Variants in EFL1 observed in about 807,000 individuals in gnomAD.
The protein encoded by EFL1 is elongation factor like GTPase 1, also known as elongation factor-like GTPase 1.
A neutral mutation model predicts 126.7 loss-of-function variants in EFL1; 76 were observed. The observed-to-expected ratio is 0.60, with a 90% CI of 0.50 to 0.73. The LOEUF (loss-of-function observed/expected upper bound fraction) is 0.73, where lower values mean the gene tolerates loss of function less well. EFL1 is among the 30% of genes least tolerant of loss of function. The pLI is 0.00. For missense variants in EFL1, 1,128 were observed against 1,343.2 expected (o/e 0.84, Z 2.50); for synonymous variants, 410 against 448.4 (o/e 0.91, Z 1.08).
At chr15:82,135,503 A>G (rs536779306) in intron 19 of EFL1, among the ~76,000 whole-genome samples, 9 of 152,334 alleles carry the variant, frequency 5.9e-5, no homozygotes, top group African/African-American at 2.2e-4. Context: ...CTTTTCCTAT[A>G]AAGAGCCAGA....
chr15:82,171,750 C>T (rs979662152), intron 15 of EFL1, among the ~76,000 whole-genome samples: 6 of 152,100 alleles, frequency 3.9e-5, no homozygotes, highest in Non-Finnish European at 8.8e-5. Context: ...AAAAAACTAC[C>T]TATCAGGTAC....
chr15:82,174,662 G>A (rs2074175229), intron 15 of EFL1, among the ~76,000 whole-genome samples: 1 of 152,150 alleles, frequency 6.6e-6, no homozygotes, highest in Non-Finnish European at 1.5e-5. Context: ...AATGTTTCTT[G>A]AGGTTAACCA....
chr15:82,182,707 C>T lies in EFL1; in HGVS notation c.1751-18723G>A, dbSNP rs193179403. 2.1e-3 allele frequency among the ~76,000 whole-genome samples: 312 copies of T among 151,976 alleles called. 1 individual carries two copies. The highest frequency in any genetic ancestry group is 7.2e-3 in the African/African-American group (297 of 41,472). On this transcript the variant is annotated intron_variant, in intron 15 of 19. Coordinates refer to ENST00000268206, the MANE Select transcript of EFL1 (RefSeq NM_024580.6). The stretch of plus-strand genomic sequence containing the variant: ...GGGCGTGGTGGTGGGCGCCTGTAGT[C>T]CCAGCTACTCGGGAGTCTGAGGCAG...
intron 3 of EFL1, among the ~76,000 whole-genome samples, chr15:82,253,708 AAG>A (rs1263003084): frequency 1.3e-5 from 2 of 152,202 alleles, no homozygotes; most frequent in African/African-American, 4.8e-5. Flanking sequence ...TTTTTAAAAA[AAG>A]AATACAGTAG....
At chr15:82,171,382 G>GA (rs1447893757) in intron 15 of EFL1, among the ~76,000 whole-genome samples, 2 of 152,104 alleles carry the variant, frequency 1.3e-5, no homozygotes, top group Non-Finnish European at 2.9e-5. Context: ...AGATCAATGG[G>GA]AAAAAATGAA....
intron 11 of EFL1, among the ~76,000 whole-genome samples, chr15:82,226,204 C>T (rs534963321): frequency 9.2e-5 from 14 of 152,076 alleles, no homozygotes; most frequent in Admixed American, 5.9e-4. Context: ...AGTCTTGTTC[C>T]GTCGCCCAGG....
At chr15:82,251,575 A>G (rs1291617781) in intron 4 of EFL1, among the ~76,000 whole-genome samples, 1 of 152,230 alleles carries the variant, frequency 6.6e-6, no homozygotes, top group African/African-American at 2.4e-5. Context: ...TAAGAAATCA[A>G]TAGACCCTTA....
At position 82,232,914 on chromosome 15, in the gene EFL1, T is replaced by A. The variant is rs1469315548; in HGVS notation, c.732-1943A>T. Among the ~76,000 whole-genome samples the A allele has an allele frequency of 3.3e-5, 5 of 152,260 alleles. No homozygotes were observed. In the East Asian group the frequency reaches 7.7e-4, roughly 23 times the overall value. ...TTTCTATTCTTCCAGGATTTTTTTT[T>A]AAATGTTGATTTGTGTTACCCAGAC... is the stretch of plus-strand genomic sequence containing the variant. On this transcript the variant is annotated intron_variant, in intron 7 of 19. Coordinates refer to ENST00000268206, the MANE Select transcript of EFL1 (RefSeq NM_024580.6).
chr15:82,203,503 T>C (rs1348524591), intron 15 of EFL1, among the ~76,000 whole-genome samples: 1 of 151,850 alleles, frequency 6.6e-6, no homozygotes, highest in East Asian at 1.9e-4. Flanking sequence ...GCCTCCGGAG[T>C]AGGTGGGATT....
chr15:82,218,902 A>G (rs2074679102), intron 14 of EFL1, among the ~76,000 whole-genome samples: 1 of 152,070 alleles, frequency 6.6e-6, no homozygotes, highest in African/African-American at 2.4e-5. Context: ...CAAGTACCAC[A>G]GCTTCCCTGG....
chr15:82,165,089 A>G (rs1450344461), intron 15 of EFL1, among the ~76,000 whole-genome samples: 1 of 152,084 alleles, frequency 6.6e-6, no homozygotes, highest in Non-Finnish European at 1.5e-5. Flanking sequence ...CCTGGGTAAC[A>G]GAGTGAGACT....
chr15:82,222,653 C>T (rs1003146796), intron 12 of EFL1, among the ~76,000 whole-genome samples: 3 of 152,092 alleles, frequency 2.0e-5, no homozygotes, highest in African/African-American at 7.2e-5. Context: ...ATGATGGTAG[C>T]GGGGAACAAA....
chr15:82,238,123 A>G (rs576010848), intron 7 of EFL1, among the ~76,000 whole-genome samples, 184 bp downstream of exon 7: 1 of 152,208 alleles, frequency 6.6e-6, no homozygotes, highest in Non-Finnish European at 1.5e-5. Flanking sequence ...ATTGTACTAC[A>G]GTTCTACAAG....
intron 2 of EFL1, among the ~76,000 whole-genome samples, chr15:82,261,421 C>T (rs1475746959): frequency 3.3e-5 from 5 of 152,106 alleles, no homozygotes; most frequent in Non-Finnish European, 7.4e-5. Context: ...ATATGTAAAG[C>T]CATTTCAAAA....
chr15:82,149,109 A>T (rs1675099146), intron 18 of EFL1, among the ~76,000 whole-genome samples: 2 of 152,208 alleles, frequency 1.3e-5, no homozygotes, highest in Non-Finnish European at 2.9e-5. Context: ...CATGAAAAAA[A>T]TGAATAAGAA....
At chr15:82,137,616 T>C (rs1399250648) in intron 19 of EFL1, among the ~76,000 whole-genome samples, 4 of 152,260 alleles carry the variant, frequency 2.6e-5, no homozygotes, top group Non-Finnish European at 5.9e-5. Context: ...ACCAGGACTC[T>C]CTGACTCCAA....
chr15:82,186,496 C>T (rs754196020), intron 15 of EFL1, among the ~76,000 whole-genome samples: 3 of 152,140 alleles, frequency 2.0e-5, no homozygotes, highest in Admixed American at 6.5e-5. Flanking sequence ...TTCCAAATAC[C>T]AGGTGTTCCA....
chr15:82,208,858 G>A (rs1285334263), intron 15 of EFL1, among the ~76,000 whole-genome samples: 4 of 151,902 alleles, frequency 2.6e-5, no homozygotes, highest in African/African-American at 9.7e-5. Context: ...CAGCAAACCT[G>A]AAACTAAAAC....
At chr15:82,170,124 T>G (rs1023905719) in intron 15 of EFL1, among the ~76,000 whole-genome samples, 3 of 140,972 alleles carry the variant, frequency 2.1e-5, no homozygotes, top group Non-Finnish European at 4.7e-5. Flanking sequence ...TTTTTTTTTT[T>G]TTTTTTTTGA....
Sources: allele counts gnomAD v4.1 joint callset (sites outside exome capture counted in the v4.1 genomes callset), GRCh38; gene constraint gnomAD v4.1.1; transcripts MANE v1.5; gene names NCBI Gene and HGNC (gene_info 2026-07-23, HGNC 2026-07-21).